The following STRN variants were observed in gnomAD, a reference collection of about 807,000 sequenced individuals.
STRN encodes the protein protein phosphatase 2 regulatory subunit B'''alpha.
STRN carries 53 observed loss-of-function variants against 96.3 expected under a neutral mutation model. The ratio of observed to expected loss-of-function variants is 0.55; its 90% confidence interval spans 0.44 to 0.69. The LOEUF (loss-of-function observed/expected upper bound fraction) is 0.69, where lower values mean the gene tolerates loss of function less well. STRN is among the 30% of genes least tolerant of loss of function. STRN has a pLI of 0.00. For missense variants in STRN, 987 were observed against 963.9 expected (o/e 1.02, Z -0.32); for synonymous variants, 428 against 355.9 (o/e 1.20, Z -2.28).
rs986225699 is a variant in STRN at position 36,837,988 on chromosome 2, T to G, written c.*11468A>C. ...CATGAACTCTGCCCCTCATGTTACTTCCATGGTTGATGTTACATTGCAGGG... is the reference window on the plus strand; with the variant it reads ...CATGAACTCTGCCCCTCATGTTACTGCCATGGTTGATGTTACATTGCAGGG... On this transcript the variant is annotated 3_prime_UTR_variant, in exon 18 of 18. Coordinates refer to ENST00000263918, the MANE Select transcript of STRN (RefSeq NM_003162.4). Among the ~76,000 whole-genome samples, 2 of 152,220 alleles carry G rather than the reference T, an allele frequency of 1.3e-5. No individual in the cohort carries two copies. Among genetic ancestry groups the G allele is most frequent in the African/African-American group, 4.8e-5 (2 of 41,462 alleles).
intron 1 of STRN, among the ~76,000 whole-genome samples, chr2:36,941,517 T>C (rs141338499): frequency 6.6e-6 from 1 of 152,254 alleles, no homozygotes; most frequent in Non-Finnish European, 1.5e-5. Context: ...AACAGAATCA[T>C]GGTGCAAAAT....
At position 36,916,205 on chromosome 2, in the gene STRN, T is replaced by C. The variant is rs1474386050; in HGVS notation, c.339-54A>G. The C allele has an allele frequency of 4.2e-6, 6 of 1,434,060 alleles. No individual in the cohort carries two copies. The East Asian group carries it at 9.2e-5, about 22-fold the overall frequency. 88.8% of individuals were successfully genotyped at this position (1,434,060 alleles called of 1,614,324 possible). A position where few individuals can be genotyped will look rare whatever the true frequency, so the allele number is the denominator to read the frequency against. On this transcript the variant is annotated intron_variant, in intron 2 of 17. Transcript: ENST00000263918. ...ATCTTAAAATATGTTTAAATTAACATACACAATAGTAGTAGTCACAAGAAT... is the reference window on the plus strand; with the variant it reads ...ATCTTAAAATATGTTTAAATTAACACACACAATAGTAGTAGTCACAAGAAT...
rs1667955194 is a variant in STRN at position 36,841,681 on chromosome 2, T to C, written c.*7775A>G. 6.6e-6 allele frequency: 1 copy of C among 152,232 alleles called. No individual in the cohort carries two copies. Among genetic ancestry groups the C allele is most frequent in the African/African-American group, 2.4e-5 (1 of 41,456 alleles). The allele number at this position is 152,232 out of a possible 1,614,324, so 9.4% of individuals were successfully genotyped here. The stretch of plus-strand genomic sequence containing the variant: ...TACATGCCTGGTCTTCATCCTGACA[T>C]ATGCAGATGACACAAAATACTTGGG... On this transcript the variant is annotated 3_prime_UTR_variant, in exon 18 of 18. Coordinates refer to ENST00000263918, the MANE Select transcript of STRN (RefSeq NM_003162.4).
chr2:36,915,958 G>A, intron 3 of STRN, 120 bp downstream of exon 3: 5 of 837,900 alleles, frequency 6.0e-6, no homozygotes, highest in Non-Finnish European at 9.3e-6. Flanking sequence ...AGACAAGCAG[G>A]TCAGAAAAAA....
rs149618447 is a variant in STRN at position 36,864,822 on chromosome 2, C to T, written c.1547+2992G>A. Reference sequence around the variant, plus strand: ...CTGCCTCCCAGTTTCAAGTGATTCTCCTGCCTCAGCCTCCCAAGTAGCTGG... The same window carrying T: ...CTGCCTCCCAGTTTCAAGTGATTCTTCTGCCTCAGCCTCCCAAGTAGCTGG... On this transcript the variant is annotated intron_variant, in intron 12 of 17. Transcript: ENST00000263918. Among the ~76,000 whole-genome samples, 930 of 152,284 alleles carry T rather than the reference C, an allele frequency of 6.1e-3. 8 individuals are homozygous for T. Among genetic ancestry groups the T allele is most frequent in the African/African-American group, 0.021 (885 of 41,556 alleles).
intron 5 of STRN, among the ~76,000 whole-genome samples, chr2:36,901,499 C>T (rs1031683512): frequency 6.7e-6 from 1 of 149,098 alleles, no homozygotes; most frequent in Non-Finnish European, 1.5e-5. Flanking sequence ...TTGCAGTGAG[C>T]TGAGATGGCG....
At chr2:36,952,993 G>A (rs1664798240) in intron 1 of STRN, among the ~76,000 whole-genome samples, 1 of 152,208 alleles carries the variant, frequency 6.6e-6, no homozygotes, top group Admixed American at 6.5e-5. Context: ...TCCATCAGGT[G>A]AAACTGGCAT....
chr2:36,885,751 A>G (rs1307357287), intron 8 of STRN, among the ~76,000 whole-genome samples: 2 of 152,166 alleles, frequency 1.3e-5, no homozygotes, highest in Non-Finnish European at 2.9e-5. Flanking sequence ...ATCACTACAG[A>G]GAGAGAAAAA....
intron 1 of STRN, among the ~76,000 whole-genome samples, chr2:36,958,121 T>C (rs1038659857): frequency 2.0e-5 from 3 of 151,976 alleles, no homozygotes; most frequent in Admixed American, 6.6e-5. Flanking sequence ...GGTTTCACCA[T>C]GTTGGCCAAG....
intron 2 of STRN, among the ~76,000 whole-genome samples, chr2:36,924,642 T>C (rs1256971311): frequency 6.6e-6 from 1 of 152,204 alleles, no homozygotes; most frequent in Non-Finnish European, 1.5e-5. Flanking sequence ...CTATTCATAA[T>C]AAAATTAACA....
intron 1 of STRN, among the ~76,000 whole-genome samples, chr2:36,938,171 A>G (rs1257713722): frequency 6.6e-6 from 1 of 152,176 alleles, no homozygotes; most frequent in Non-Finnish European, 1.5e-5. Context: ...CACACTAGTA[A>G]TATCAGCATT....
At chr2:36,928,031 T>C (rs926885416) in intron 1 of STRN, among the ~76,000 whole-genome samples, 7 of 152,152 alleles carry the variant, frequency 4.6e-5, no homozygotes, top group Admixed American at 3.9e-4. Flanking sequence ...ACTAAGACCT[T>C]TGAGAAAAGA....
chr2:36,843,835 C>T lies in STRN; in HGVS notation c.*5621G>A, dbSNP rs549597554. 2.0e-5 allele frequency: 3 copies of T among 152,236 alleles called. No individual in the cohort carries two copies. Among genetic ancestry groups the T allele is most frequent in the East Asian group, 1.9e-4 (1 of 5,186 alleles). 9.4% of individuals were successfully genotyped at this position (152,236 alleles called of 1,614,324 possible). Reference sequence around the variant, plus strand: ...ACACTTTATTTAAAAACAAATAATACACTTAGAGCCACCAAAGATGGATAT... The same window carrying T: ...ACACTTTATTTAAAAACAAATAATATACTTAGAGCCACCAAAGATGGATAT... On this transcript the variant is annotated 3_prime_UTR_variant, in exon 18 of 18. Coordinates refer to ENST00000263918, the MANE Select transcript of STRN (RefSeq NM_003162.4).
chr2:36,946,784 C>T (rs1670996315), intron 1 of STRN, among the ~76,000 whole-genome samples: 1 of 152,088 alleles, frequency 6.6e-6, no homozygotes, highest in Non-Finnish European at 1.5e-5. Context: ...AAATTTAACT[C>T]AATTCCAAAT....
intron 12 of STRN, among the ~76,000 whole-genome samples, chr2:36,864,427 T>C (rs1372702939): frequency 1.3e-5 from 2 of 152,202 alleles, no homozygotes; most frequent in East Asian, 1.9e-4. Flanking sequence ...TGATTTTTGT[T>C]TTCAGTTCTG....
In STRN at chr2:36,838,938, A is replaced by G. The variant is rs960613754; in HGVS notation, c.*10518T>C. On this transcript the variant is annotated 3_prime_UTR_variant, in exon 18 of 18. Transcript: ENST00000263918. ...TCTTCTCATTAACGTTAGACTGTAT[A>G]TGTTTACTGATAAATTTGAGAGACC... 6.6e-6 allele frequency among the ~76,000 whole-genome samples: 1 copy of G among 152,218 alleles called. No individual in the cohort carries two copies. Among genetic ancestry groups the G allele is most frequent in the Non-Finnish European group, 1.5e-5 (1 of 68,038 alleles).
intron 1 of STRN, among the ~76,000 whole-genome samples, chr2:36,963,736 T>A (rs1665085064): frequency 6.6e-6 from 1 of 152,144 alleles, no homozygotes; most frequent in Admixed American, 6.5e-5. Context: ...GGCAGGCAGA[T>A]CACTGAGGTC....
chr2:36,873,524 C>T (rs569746385), intron 10 of STRN, among the ~76,000 whole-genome samples: 15 of 152,158 alleles, frequency 9.9e-5, no homozygotes, highest in African/African-American at 2.9e-4. Context: ...TATGCCATTG[C>T]ACACCAGCCT....
At position 36,952,234 on chromosome 2, in the gene STRN, G is replaced by A. The variant is rs534840952; in HGVS notation, c.234+13996C>T. On this transcript the variant is annotated intron_variant, in intron 1 of 17. Transcript: ENST00000263918. ...TAAGATACCATTTTAACATCTTTTC[G>A]GATTAACTGATCAACCACCAGTCTG... Among the ~76,000 whole-genome samples, 31 of 152,006 alleles carry A rather than the reference G, an allele frequency of 2.0e-4. No individual in the cohort carries two copies. In the South Asian group the frequency reaches 2.9e-3, roughly 14 times the overall value.
Sources: allele counts gnomAD v4.1 joint callset (sites outside exome capture counted in the v4.1 genomes callset), GRCh38; gene constraint gnomAD v4.1.1; transcripts MANE v1.5; gene names NCBI Gene and HGNC (gene_info 2026-07-23, HGNC 2026-07-21).